Variants in OSBPL10 observed in about 807,000 individuals in gnomAD.
OSBPL10 encodes oxysterol binding protein like 10, also known as oxysterol-binding protein-related protein 10.
In OSBPL10, 49 loss-of-function variants were observed where a neutral mutation model predicts 81.7. That is an observed-to-expected ratio of 0.60 (90% CI 0.48 to 0.76). OSBPL10 has a LOEUF of 0.76. OSBPL10 is among the 30% of genes least tolerant of loss of function. OSBPL10 has a pLI of 0.00. For missense variants in OSBPL10, 923 were observed against 987.8 expected, an observed-to-expected ratio of 0.93 and a Z score of 0.88; for synonymous variants, 419 against 383.6, an observed-to-expected ratio of 1.09 and a Z score of -1.08.
intron 1 of OSBPL10, among the ~76,000 whole-genome samples, chr3:32,073,321 C>A (rs1337476630): frequency 6.6e-6 from 1 of 152,148 alleles, no homozygotes; most frequent in African/African-American, 2.4e-5. Context: ...GACACCCTAG[C>A]TGGACGATCA....
intron 1 of OSBPL10, among the ~76,000 whole-genome samples, chr3:32,048,822 G>C (rs892332468): frequency 2.0e-5 from 3 of 151,842 alleles, no homozygotes; most frequent in Non-Finnish European, 4.4e-5. Flanking sequence ...CAAGATACAG[G>C]TCATAAAGAC....
At chr3:31,927,515 T>A (rs775007728) in intron 1 of OSBPL10, among the ~76,000 whole-genome samples, 2 of 152,218 alleles carry the variant, frequency 1.3e-5, no homozygotes, top group Admixed American at 6.5e-5. Context: ...CTGAACAACC[T>A]ATGTCAGATT....
At chr3:31,929,206 T>C (rs1697166032) in intron 1 of OSBPL10, among the ~76,000 whole-genome samples, 3 of 152,230 alleles carry the variant, frequency 2.0e-5, no homozygotes, top group Admixed American at 2.0e-4. Context: ...ATGGATGCTT[T>C]TCCAACATCA....
In OSBPL10 at chr3:31,670,720, C is replaced by T. The variant is rs1056929671; in HGVS notation, c.1913+77G>A. On this transcript the variant is annotated intron_variant, in intron 9 of 11. Coordinates refer to ENST00000396556, the MANE Select transcript of OSBPL10 (RefSeq NM_017784.5). The stretch of plus-strand genomic sequence containing the variant: ...TTTTCAACTCATCCCATTACTGAAA[C>T]TCAGTCTTCTAATGGTGAAAGGAAA... 7.8e-6 allele frequency: 11 copies of T among 1,415,408 alleles called. No homozygotes were observed. The African/African-American group carries it at 1.6e-4, about 20-fold the overall frequency. 87.7% of individuals were successfully genotyped at this position (1,415,408 alleles called of 1,614,324 possible). A position where few individuals can be genotyped will look rare whatever the true frequency, so the allele number is the denominator to read the frequency against.
intron 7 of OSBPL10, among the ~76,000 whole-genome samples, chr3:31,692,561 A>G (rs1695589737): frequency 6.8e-6 from 1 of 147,006 alleles, no homozygotes; most frequent in Non-Finnish European, 1.5e-5. Context: ...TCTGTAAACA[A>G]TCAGTCACCT....
At chr3:31,771,065 TATC>T (rs1214413031) in intron 4 of OSBPL10, among the ~76,000 whole-genome samples, 1 of 152,196 alleles carries the variant, frequency 6.6e-6, no homozygotes, top group Non-Finnish European at 1.5e-5. Context: ...CACATAGGCT[TATC>T]ATGAGGAATG....
chr3:31,720,708 G>A (rs1191594995), intron 6 of OSBPL10, among the ~76,000 whole-genome samples: 1 of 151,754 alleles, frequency 6.6e-6, no homozygotes, highest in Non-Finnish European at 1.5e-5. Flanking sequence ...AGACCAGCCT[G>A]GGCAACATGG....
At chr3:31,692,804 T>A (rs536281686) in intron 7 of OSBPL10, among the ~76,000 whole-genome samples, 13 of 152,298 alleles carry the variant, frequency 8.5e-5, no homozygotes, top group African/African-American at 3.1e-4. Flanking sequence ...GCTACGTCAG[T>A]GGAGAGCTGG....
At chr3:31,721,485 G>C (rs1470105603) in intron 6 of OSBPL10, 3 of 152,186 alleles carry the variant, frequency 2.0e-5, no homozygotes, top group Non-Finnish European at 4.4e-5. Flanking sequence ...GCCGCACCAG[G>C]TGATTTCAGG....
chr3:31,996,427 T>C (rs1699090512), intron 2 of OSBPL10, among the ~76,000 whole-genome samples: 1 of 152,192 alleles, frequency 6.6e-6, no homozygotes, highest in Non-Finnish European at 1.5e-5. Flanking sequence ...CCTCTAAATA[T>C]GAGCCATTCT....
At chr3:31,908,972 A>C (rs1458282110) in intron 1 of OSBPL10, among the ~76,000 whole-genome samples, 1 of 152,234 alleles carries the variant, frequency 6.6e-6, no homozygotes, top group Non-Finnish European at 1.5e-5. Context: ...GCCTTCTGAA[A>C]CCATTAACTT....
chr3:31,901,963 G>A (rs1696255337), intron 1 of OSBPL10, among the ~76,000 whole-genome samples: 1 of 152,174 alleles, frequency 6.6e-6, no homozygotes, highest in Non-Finnish European at 1.5e-5. Context: ...CTAGGAGGCA[G>A]AGGTTGTAGT....
intron 4 of OSBPL10, chr3:31,822,128 T>C (rs987125704): frequency 2.0e-5 from 3 of 152,198 alleles, no homozygotes; most frequent in Admixed American, 2.0e-4. Flanking sequence ...CCTCCACATA[T>C]CAGACTCTGT....
intron 4 of OSBPL10, among the ~76,000 whole-genome samples, chr3:31,783,815 AAAAAAAAAATATATATATATATAT>A (rs1698780907): frequency 1.3e-5 from 1 of 75,054 alleles, no homozygotes; most frequent in Non-Finnish European, 2.5e-5. Context: ...AAAAAAAAAA[AAAAAAAAAATATATATATATATAT>A]ATATATATAT....
At chr3:31,911,332 A>T (rs1696571163) in intron 1 of OSBPL10, among the ~76,000 whole-genome samples, 1 of 152,194 alleles carries the variant, frequency 6.6e-6, no homozygotes. Context: ...ATGTATAAAG[A>T]AAACAGTGGG....
intron 1 of OSBPL10, among the ~76,000 whole-genome samples, chr3:31,887,529 GA>G (rs1490238969): frequency 4.6e-5 from 7 of 152,132 alleles, no homozygotes; most frequent in African/African-American, 1.7e-4. Flanking sequence ...TCATTGCGGT[GA>G]AGGAAAGAAA....
At chr3:31,769,947 T>C (rs1049978831) in intron 4 of OSBPL10, among the ~76,000 whole-genome samples, 3 of 151,918 alleles carry the variant, frequency 2.0e-5, no homozygotes, top group African/African-American at 7.3e-5. Flanking sequence ...TCTCAATGGG[T>C]TTTTCAAGGG....
At chr3:31,834,485 A>G (rs2125539060) in intron 3 of OSBPL10, among the ~76,000 whole-genome samples, 2 of 152,142 alleles carry the variant, frequency 1.3e-5, no homozygotes, top group Middle Eastern at 6.8e-3. Context: ...AGCAGGTGAG[A>G]CCAAGTGCTG....
intron 3 of OSBPL10, among the ~76,000 whole-genome samples, chr3:31,835,707 A>C (rs1189018733): frequency 6.6e-6 from 1 of 152,224 alleles, no homozygotes; most frequent in Non-Finnish European, 1.5e-5. Flanking sequence ...ATTTTGAAAA[A>C]CAAATTTAAC....
Sources: gnomAD v4.1 joint callset for allele counts (sites outside exome capture counted in the v4.1 genomes callset) on GRCh38, gnomAD v4.1.1 for gene constraint, MANE v1.5 for transcripts, NCBI Gene and HGNC (gene_info 2026-07-23, HGNC 2026-07-21) for gene names.